ROCK2: variants seen among roughly 807,000 people sequenced by gnomAD.
ROCK2 encodes rho-associated protein kinase 2.
ROCK2 carries 61 observed loss-of-function variants against 195.1 expected under a neutral mutation model. That is an observed-to-expected ratio of 0.31 (90% CI 0.25 to 0.39). ROCK2 has a LOEUF of 0.39. ROCK2 is among the 10% of genes least tolerant of loss of function. The pLI is 1.00. For synonymous variants in ROCK2, 504 were observed against 545.5 expected (o/e 0.92, Z 1.06); for missense variants, 1,109 against 1,637.4 (o/e 0.68, Z 5.57).
intron 1 of ROCK2, among the ~76,000 whole-genome samples, chr2:11,341,628 T>A (rs995679215): frequency 6.6e-6 from 1 of 151,968 alleles, no homozygotes; most frequent in Non-Finnish European, 1.5e-5. Context: ...TCTGAGCTCC[T>A]GAATGTAGTG....
chr2:11,252,501 C>T (rs561141869), intron 3 of ROCK2, among the ~76,000 whole-genome samples: 3 of 152,184 alleles, frequency 2.0e-5, no homozygotes, highest in East Asian at 3.9e-4. Context: ...CACATGCACA[C>T]GTATGTTTAT....
intron 4 of ROCK2, among the ~76,000 whole-genome samples, chr2:11,246,079 T>A (rs2148121776): frequency 6.6e-6 from 1 of 152,278 alleles, no homozygotes; most frequent in South Asian, 2.1e-4. Flanking sequence ...AAATGATATA[T>A]CAAGACACTG....
At position 11,207,850 on chromosome 2, in the gene ROCK2, C is replaced by A; in HGVS notation, c.2425G>T (p.Asp809Tyr). Residue 809 changes from aspartate to tyrosine, a missense_variant, in exon 20 of 33, where the codon GAC becomes TAC. By Grantham distance (160) the Asp-to-Tyr change is radical. Transcript: ENST00000315872. ...ETQKRCLTQN[D>Y]LKMQTQQVNT... ...ACCTGTTGTGTTTGCATCTTCAGGT[C>A]ATTTTGTGTAAGGCAGCGCTTCTGA... 6.2e-7 allele frequency: 1 copy of A among 1,609,780 alleles called. No individual in the cohort carries two copies. The highest frequency in any genetic ancestry group is 8.5e-7 in the Non-Finnish European group (1 of 1,177,338).
At chr2:11,325,663 T>G (rs1668527575) in intron 1 of ROCK2, among the ~76,000 whole-genome samples, 1 of 152,178 alleles carries the variant, frequency 6.6e-6, no homozygotes, top group South Asian at 2.1e-4. Context: ...CAATTTTAAC[T>G]TTTCTCTGAA....
Position 11,344,078 on chromosome 2 carries a change from T to C in ROCK2, c.59A>G (p.Asp20Gly). The change falls in exon 1 of 33, where the codon GAC (aspartate) becomes GGC (glycine). Residue 20 changes from aspartate to glycine, a missense_variant. Asp to Gly is a moderately conservative substitution (Grantham distance 94). Around this residue, in one of 6 missense-constraint regions of ROCK2, gnomAD observed 64 missense variants for 62.4 expected, o/e 1.03. Transcript: ENST00000315872. The surrounding 1 kb of genome is among the most constrained non-coding windows in gnomAD (Gnocchi z 5.4). ...CCTCTGGCGGCTCGCGCCTGCCCCGTCCCCCGGCGCGGTCTCGGGGGCGCC... is the reference window on the plus strand; with the variant it reads ...CCTCTGGCGGCTCGCGCCTGCCCCGCCCCCCGGCGCGGTCTCGGGGGCGCC... ...MPGAPETAPG[D>G]GAGASRQRKL... is the part of the protein sequence containing the mutation. The C allele has an allele frequency of 1.3e-6, 2 of 1,542,850 alleles. No homozygotes were observed.
chr2:11,223,795 T>C (rs1485614829), intron 7 of ROCK2, among the ~76,000 whole-genome samples: 1 of 152,148 alleles, frequency 6.6e-6, no homozygotes, highest in Admixed American at 6.5e-5. Context: ...CTAGCTTATC[T>C]TTTGGGGGCA....
intron 4 of ROCK2, among the ~76,000 whole-genome samples, chr2:11,245,275 T>C (rs896230271): frequency 6.7e-6 from 1 of 149,598 alleles, no homozygotes; most frequent in Non-Finnish European, 1.5e-5. Context: ...TATAAAAATA[T>C]AAATTATATT....
In ROCK2 at chr2:11,286,642, A is replaced by G. The variant is rs762636905; in HGVS notation, c.224-3T>C. 1.3e-6 allele frequency: 2 copies of G among 1,507,354 alleles called. No homozygotes were observed. Among genetic ancestry groups the G allele is most frequent in the Admixed American group, 3.4e-5 (2 of 59,238 alleles). The allele number at this position is 1,507,354 out of a possible 1,614,324, so 93.4% of individuals were successfully genotyped here. ...GATTTTTTTCACAATTTTCTCATCT[A>G]CCATAAAAAGATCACCATACTTATA... On this transcript the variant is annotated splice_polypyrimidine_tract_variant and splice_region_variant and intron_variant, in intron 2 of 32. Transcript: ENST00000315872.
At chr2:11,238,297 A>C (rs1318680000) in intron 4 of ROCK2, among the ~76,000 whole-genome samples, 2 of 150,844 alleles carry the variant, frequency 1.3e-5, no homozygotes, top group Non-Finnish European at 2.9e-5. Context: ...ATATGAAAAT[A>C]AATGAAGAGA....
chr2:11,213,802 C>T (rs1361159882), intron 17 of ROCK2, among the ~76,000 whole-genome samples: 1 of 152,058 alleles, frequency 6.6e-6, no homozygotes, highest in African/African-American at 2.4e-5. Context: ...ATTTGCCATA[C>T]TGTCATTAGA....
In ROCK2 at chr2:11,317,604, ATATATATATTTTT is replaced by A. The variant is rs1207082077; in HGVS notation, c.141+26379_141+26391del. Reference sequence around the variant, plus strand: ...TATATATATATATATATATATATATATATATATATTTTTTTTTTTTTTTAATTATACTTTAAGT... The same window carrying A: ...TATATATATATATATATATATATATATTTTTTTTTTAATTATACTTTAAGT... On this transcript the variant is annotated intron_variant, in intron 1 of 32. Coordinates refer to ENST00000315872, the MANE Select transcript of ROCK2 (RefSeq NM_004850.5). Among the ~76,000 whole-genome samples, 6 of 16,186 alleles carry A rather than the reference ATATATATATTTTT, an allele frequency of 3.7e-4. 1 individual carries two copies. Among genetic ancestry groups the A allele is most frequent in the African/African-American group, 9.6e-4 (5 of 5,214 alleles). The allele number at this position is 16,186 out of a possible 152,430, so 10.6% of individuals were successfully genotyped here.
intron 5 of ROCK2, among the ~76,000 whole-genome samples, chr2:11,231,264 C>T (rs1558311490): frequency 1.3e-5 from 2 of 151,436 alleles, no homozygotes; most frequent in Non-Finnish European, 2.9e-5. Flanking sequence ...AGCACAGTGG[C>T]ACGAACTTGG....
intron 1 of ROCK2, among the ~76,000 whole-genome samples, chr2:11,336,569 T>C (rs1196075790): frequency 6.6e-6 from 1 of 152,088 alleles, no homozygotes; most frequent in African/African-American, 2.4e-5. Context: ...ACTTTTGAAT[T>C]GAGCATGGGT....
chr2:11,239,047 C>T (rs945502063), intron 4 of ROCK2, among the ~76,000 whole-genome samples: 2 of 151,420 alleles, frequency 1.3e-5, no homozygotes, highest in Non-Finnish European at 2.9e-5. Context: ...TTACCTCACA[C>T]CATAAGTCAA....
At chr2:11,247,046 T>C (rs1364918953) in intron 4 of ROCK2, among the ~76,000 whole-genome samples, 1 of 152,204 alleles carries the variant, frequency 6.6e-6, no homozygotes, top group Non-Finnish European at 1.5e-5. Flanking sequence ...TGTTGATACA[T>C]GCTATAACAT....
chr2:11,252,644 C>T (rs1470457461), intron 3 of ROCK2, among the ~76,000 whole-genome samples: 2 of 152,028 alleles, frequency 1.3e-5, no homozygotes, highest in Non-Finnish European at 2.9e-5. Context: ...AGTTCATGTC[C>T]TCTGCAGGGA....
intron 1 of ROCK2, among the ~76,000 whole-genome samples, chr2:11,293,090 T>C (rs1279064585): frequency 6.6e-6 from 1 of 152,200 alleles, no homozygotes; most frequent in African/African-American, 2.4e-5. Flanking sequence ...TCTTTATAAA[T>C]TACCCAGTCT....
intron 1 of ROCK2, among the ~76,000 whole-genome samples, chr2:11,326,754 T>C (rs1022619545): frequency 3.9e-5 from 6 of 151,984 alleles, no homozygotes; most frequent in Non-Finnish European, 7.4e-5. Context: ...CAGAGCACAG[T>C]TGGAGAATCA....
At chr2:11,336,791 C>T (rs1209320573) in intron 1 of ROCK2, among the ~76,000 whole-genome samples, 5 of 152,132 alleles carry the variant, frequency 3.3e-5, no homozygotes, top group Admixed American at 3.3e-4. Context: ...CTAACTCACA[C>T]CACACATTAA....
Sources: gnomAD v4.1 joint callset for allele counts (sites outside exome capture counted in the v4.1 genomes callset) on GRCh38, gnomAD v4.1.1 for gene constraint, gnomAD v4.1.1 regional missense constraint, Gnocchi (gnomAD v3.1) non-coding constraint, MANE v1.5 for transcripts, NCBI Gene and HGNC (gene_info 2026-07-23, HGNC 2026-07-21) for gene names.